OSBPL6: variants seen among roughly 807,000 people sequenced by gnomAD.
The protein encoded by OSBPL6 is oxysterol binding protein like 6.
A neutral mutation model predicts 125.8 loss-of-function variants in OSBPL6; 49 were observed. The ratio of observed to expected loss-of-function variants is 0.39; its 90% CI spans 0.31 to 0.49. The LOEUF (loss-of-function observed/expected upper bound fraction) is 0.49. Ranked by LOEUF, OSBPL6 falls within the 20% of genes least tolerant of loss-of-function variation. The probability of loss-of-function intolerance (pLI) is 0.88; values close to 1 mark genes in which losing one functional copy is unlikely to be tolerated. For synonymous variants in OSBPL6, 394 were observed against 391.8 expected, an observed-to-expected ratio of 1.01 and a Z score of -0.07; for missense variants, 986 against 1,135.4, an observed-to-expected ratio of 0.87 and a Z score of 1.89.
intron 1 of OSBPL6, among the ~76,000 whole-genome samples, chr2:178,223,001 T>C (rs560207117): frequency 6.6e-6 from 1 of 152,350 alleles, no homozygotes; most frequent in South Asian, 2.1e-4. Context: ...TTGTTTATAA[T>C]GGCTGCAGAG....
At chr2:178,259,502 GA>G (rs1179657231) in intron 1 of OSBPL6, among the ~76,000 whole-genome samples, 1 of 101,120 alleles carries the variant, frequency 9.9e-6, no homozygotes, top group African/African-American at 4.8e-5. Flanking sequence ...AAGAAATCAG[GA>G]CTCAACAGTC....
chr2:178,293,859 C>T (rs1035546731), intron 2 of OSBPL6, among the ~76,000 whole-genome samples: 2 of 151,912 alleles, frequency 1.3e-5, no homozygotes, highest in African/African-American at 4.8e-5. Context: ...AGAAGAATAG[C>T]CTTTTCAACA....
intron 1 of OSBPL6, among the ~76,000 whole-genome samples, chr2:178,274,685 A>C (rs967960986): frequency 6.6e-6 from 1 of 152,248 alleles, no homozygotes; most frequent in African/African-American, 2.4e-5. Context: ...GTATGTCTAC[A>C]TATTTATAAC....
intron 1 of OSBPL6, among the ~76,000 whole-genome samples, chr2:178,267,526 A>G (rs907012941): frequency 6.6e-6 from 1 of 152,172 alleles, no homozygotes; most frequent in African/African-American, 2.4e-5. Context: ...CTCTCGTTGT[A>G]GGATATATGT....
intron 2 of OSBPL6, among the ~76,000 whole-genome samples, chr2:178,292,747 G>C (rs1008949194): frequency 1.3e-5 from 2 of 152,056 alleles, no homozygotes; most frequent in African/African-American, 4.8e-5. Context: ...CAAGACAGAT[G>C]AGGTCTCTGG....
intron 12 of OSBPL6, among the ~76,000 whole-genome samples, chr2:178,355,883 T>C (rs1559286809): frequency 6.6e-6 from 1 of 152,208 alleles, no homozygotes; most frequent in Non-Finnish European, 1.5e-5. Flanking sequence ...AAAAAGCTTA[T>C]CCACCACGAT....
intron 13 of OSBPL6, 75 bp downstream of exon 13, chr2:178,361,890 G>A (rs2154098685): frequency 6.4e-7 from 1 of 1,567,318 alleles, no homozygotes; most frequent in Non-Finnish European, 8.7e-7. Context: ...AAAGATGGGG[G>A]GCTGGCAGGG....
At chr2:178,299,499 G>T (rs73030654) in intron 2 of OSBPL6, among the ~76,000 whole-genome samples, 1 of 151,458 alleles carries the variant, frequency 6.6e-6, no homozygotes, top group Non-Finnish European at 1.5e-5. Flanking sequence ...TCTTCCAGAT[G>T]AACTTACTTT....
At chr2:178,301,692 G>T (rs1439656794) in intron 2 of OSBPL6, among the ~76,000 whole-genome samples, 1 of 152,006 alleles carries the variant, frequency 6.6e-6, no homozygotes, top group Non-Finnish European at 1.5e-5. Context: ...ACTCACCTAG[G>T]CCATGTGACT....
intron 4 of OSBPL6, among the ~76,000 whole-genome samples, chr2:178,327,248 T>A (rs1221072845): frequency 1.3e-5 from 2 of 152,224 alleles, no homozygotes; most frequent in African/African-American, 4.8e-5. Flanking sequence ...CTTGCAAAGA[T>A]CTGCACTTAT....
At chr2:178,251,234 G>T (rs1363880739) in intron 1 of OSBPL6, among the ~76,000 whole-genome samples, 7 of 152,144 alleles carry the variant, frequency 4.6e-5, no homozygotes, top group Admixed American at 4.6e-4. Flanking sequence ...TGGTCAGAGA[G>T]CCCACAGTGA....
intron 1 of OSBPL6, among the ~76,000 whole-genome samples, chr2:178,281,779 A>T (rs1408713770): frequency 1.5e-5 from 2 of 132,324 alleles, no homozygotes; most frequent in Admixed American, 8.4e-5. Context: ...GAGGGGAACA[A>T]CACACACTGG....
chr2:178,332,423 T>C (rs974919216), intron 6 of OSBPL6, among the ~76,000 whole-genome samples: 2 of 152,216 alleles, frequency 1.3e-5, no homozygotes, highest in African/African-American at 4.8e-5. Context: ...ATAAGATGAA[T>C]AGTCTTATTT....
At chr2:178,363,376 G>A (rs1219479851) in intron 13 of OSBPL6, among the ~76,000 whole-genome samples, 1 of 152,132 alleles carries the variant, frequency 6.6e-6, no homozygotes, top group Non-Finnish European at 1.5e-5. Flanking sequence ...TATATGCTAG[G>A]TATTGTGCAA....
chr2:178,328,226 A>C (rs1234434856), intron 4 of OSBPL6, 30 bp from the exon 5 acceptor site: 1 of 1,611,972 alleles, frequency 6.2e-7, no homozygotes, highest in Non-Finnish European at 8.5e-7. Flanking sequence ...ACTGAGTAAC[A>C]TGTGATTTGT....
In OSBPL6 at chr2:178,339,551, G is replaced by A. The variant is rs907183796; in HGVS notation, c.895-121G>A. 42 of 573,808 alleles carry A rather than the reference G, an allele frequency of 7.3e-5. 3 individuals are homozygous for A. The South Asian group carries it at 1.9e-3, about 26-fold the overall frequency. The allele number at this position is 573,808 out of a possible 1,614,324, so 35.5% of individuals were successfully genotyped here. A position where few individuals can be genotyped will look rare whatever the true frequency, so the allele number is the denominator to read the frequency against. ...TCGTCTAATATGCCTTTCTGTCCTG[G>A]CTGGTTTGCTTATAGGCTCTAACAA... On this transcript the variant is annotated intron_variant, in intron 10 of 24. Transcript: ENST00000190611.
At chr2:178,281,410 A>G (rs1684161417) in intron 1 of OSBPL6, among the ~76,000 whole-genome samples, 1 of 152,144 alleles carries the variant, frequency 6.6e-6, no homozygotes, top group African/African-American at 2.4e-5. Context: ...TAGGTTTTAC[A>G]TTTAAGTCTT....
chr2:178,383,031 T>C lies in OSBPL6; in HGVS notation c.1629T>C (p.Asn543=). Residue 543 remains asparagine (N), a synonymous_variant, in exon 17 of 25, where the codon AAT becomes AAC. Transcript: ENST00000190611. ...TGACTCTCCTTCTTCCAGTCCTGAATGGGGAGCTTACAGGAGGGGCCTTCC... is the reference window on the plus strand; with the variant it reads ...TGACTCTCCTTCTTCCAGTCCTGAACGGGGAGCTTACAGGAGGGGCCTTCC... ...VADNISRQIL[N]GELTGGAFRN... 6.2e-7 allele frequency: 1 copy of C among 1,614,110 alleles called. No homozygotes were observed. Among genetic ancestry groups the C allele is most frequent in the Non-Finnish European group, 8.5e-7 (1 of 1,179,982 alleles).
intron 1 of OSBPL6, among the ~76,000 whole-genome samples, chr2:178,261,174 C>CA (rs199549668): frequency 0.043 from 6,472 of 151,748 alleles, 310 homozygotes; most frequent in Admixed American, 0.14. Flanking sequence ...AACAACAAAA[C>CA]AAAAAAACCC....
Sources: gnomAD v4.1 joint callset for allele counts (sites outside exome capture counted in the v4.1 genomes callset) on GRCh38, gnomAD v4.1.1 for gene constraint, MANE v1.5 for transcripts, NCBI Gene and HGNC (gene_info 2026-07-23, HGNC 2026-07-21) for gene names.